The following MACROD2 variants were observed in gnomAD, a reference collection of about 807,000 sequenced individuals.
The protein encoded by MACROD2 is ADP-ribose glycohydrolase MACROD2.
MACROD2 carries 36 observed loss-of-function variants against 70.4 expected under a neutral mutation model. The observed-to-expected ratio is 0.51, with a 90% confidence interval of 0.39 to 0.68. MACROD2 has a LOEUF of 0.68. MACROD2 is among the 30% of genes least tolerant of loss of function. The pLI, the probability that MACROD2 is intolerant of heterozygous loss-of-function variation, is 0.00. For synonymous variants in MACROD2, 172 were observed against 178.8 expected, an observed-to-expected ratio of 0.96 and a Z score of 0.30; for missense variants, 496 against 538.4, an observed-to-expected ratio of 0.92 and a Z score of 0.78.
rs1276125970 is a variant in MACROD2 at position 14,220,980 on chromosome 20, G to A, written c.271+135252G>A. On this transcript the variant is annotated intron_variant, in intron 3 of 17. Coordinates refer to ENST00000684519, the MANE Select transcript of MACROD2 (RefSeq NM_001351661.2). Reference sequence around the variant, plus strand: ...TCGATCTGATGCTAAAATTCACAGTGCGAGGTGCCGCCCACTGCTCTGTCC... The same window carrying A: ...TCGATCTGATGCTAAAATTCACAGTACGAGGTGCCGCCCACTGCTCTGTCC... Among the ~76,000 whole-genome samples the A allele has an allele frequency of 2.6e-5, 4 of 152,156 alleles. No individual in the cohort carries two copies. In the South Asian group the frequency reaches 6.2e-4, roughly 24 times the overall value.
chr20:15,827,423 T>C (rs1408227836), intron 8 of MACROD2, among the ~76,000 whole-genome samples: 4 of 152,300 alleles, frequency 2.6e-5, no homozygotes, highest in African/African-American at 4.8e-5. Context: ...CTACTCTTCA[T>C]AGGAAATAAG....
intron 8 of MACROD2, among the ~76,000 whole-genome samples, chr20:15,528,065 A>C (rs914070032): frequency 6.6e-5 from 10 of 152,210 alleles, no homozygotes; most frequent in African/African-American, 1.9e-4. Context: ...TATTTGTAGA[A>C]AGACTAATAT....
intron 8 of MACROD2, among the ~76,000 whole-genome samples, chr20:15,800,825 T>C (rs1318652990): frequency 2.6e-5 from 4 of 151,880 alleles, no homozygotes; most frequent in East Asian, 1.9e-4. Context: ...TGGGAGACTT[T>C]TCATTTTGTT....
chr20:15,099,037 T>A (rs2075853451), intron 5 of MACROD2, among the ~76,000 whole-genome samples: 1 of 152,220 alleles, frequency 6.6e-6, no homozygotes, highest in Admixed American at 6.5e-5. Flanking sequence ...ATATCCTGCC[T>A]GTACTTTAAC....
intron 2 of MACROD2, among the ~76,000 whole-genome samples, chr20:14,010,766 C>T (rs1351682894): frequency 6.6e-6 from 1 of 151,990 alleles, no homozygotes; most frequent in Non-Finnish European, 1.5e-5. Flanking sequence ...TGAATTTCTC[C>T]AGGATCTGCA....
At chr20:15,573,343 A>G (rs2048400479) in intron 8 of MACROD2, among the ~76,000 whole-genome samples, 1 of 152,184 alleles carries the variant, frequency 6.6e-6, no homozygotes, top group Admixed American at 6.6e-5. Flanking sequence ...CCTGAGAATA[A>G]AAGCAAGTTC....
At chr20:14,449,448 C>T (rs1320575136) in intron 3 of MACROD2, among the ~76,000 whole-genome samples, 1 of 152,102 alleles carries the variant, frequency 6.6e-6, no homozygotes, top group African/African-American at 2.4e-5. Flanking sequence ...ATGTTAGACA[C>T]TGTGCTAGGC....
At chr20:14,842,157 C>G (rs2073094455) in intron 5 of MACROD2, among the ~76,000 whole-genome samples, 2 of 152,072 alleles carry the variant, frequency 1.3e-5, no homozygotes, top group Admixed American at 6.6e-5. Flanking sequence ...CGACCGTTCT[C>G]TAGAGAGAGG....
chr20:14,755,479 G>A lies in MACROD2; in HGVS notation c.418+70520G>A, dbSNP rs140154647. Among the ~76,000 whole-genome samples, 284 of 152,208 alleles carry A rather than the reference G, an allele frequency of 1.9e-3. 4 individuals carry two copies. The highest frequency in any genetic ancestry group is 6.7e-3 in the African/African-American group (277 of 41,496). The stretch of plus-strand genomic sequence containing the variant: ...TTAGATGTAAAATGACCTGAGAACT[G>A]CAGCCCTCATGAGCATTGGCTACGT... On this transcript the variant is annotated intron_variant, in intron 5 of 17. Transcript: ENST00000684519.
At chr20:15,543,582 A>G (rs566885107) in intron 8 of MACROD2, among the ~76,000 whole-genome samples, 17 of 151,254 alleles carry the variant, frequency 1.1e-4, no homozygotes, top group South Asian at 4.2e-4. Context: ...CTTCCAAGCA[A>G]TGAGGTAAAC....
chr20:14,131,138 C>A (rs2054714082), intron 3 of MACROD2, among the ~76,000 whole-genome samples: 1 of 151,834 alleles, frequency 6.6e-6, no homozygotes, highest in South Asian at 2.1e-4. Flanking sequence ...GGCTATGTTG[C>A]TCAGGTTATG....
At chr20:14,298,287 G>T (rs1311555050) in intron 3 of MACROD2, among the ~76,000 whole-genome samples, 1 of 151,930 alleles carries the variant, frequency 6.6e-6, no homozygotes, top group East Asian at 1.9e-4. Context: ...CATTTTTCTG[G>T]CTGGGTGTGG....
intron 4 of MACROD2, among the ~76,000 whole-genome samples, chr20:14,678,331 A>T (rs2070887581): frequency 6.6e-6 from 1 of 152,202 alleles, no homozygotes; most frequent in East Asian, 1.9e-4. Context: ...TTTGGGAAGT[A>T]CTGTCTTGCT....
chr20:15,807,524 C>G (rs1162453432), intron 8 of MACROD2, among the ~76,000 whole-genome samples: 1 of 152,012 alleles, frequency 6.6e-6, no homozygotes, highest in Non-Finnish European at 1.5e-5. Context: ...CCACGTTTGT[C>G]CATTGAGCAA....
At chr20:14,005,050 A>G (rs2052794898) in intron 2 of MACROD2, among the ~76,000 whole-genome samples, 1 of 152,178 alleles carries the variant, frequency 6.6e-6, no homozygotes, top group South Asian at 2.1e-4. Flanking sequence ...TTATAATACA[A>G]TAGAAAGTTA....
At chr20:14,149,777 G>T (rs1313727869) in intron 3 of MACROD2, among the ~76,000 whole-genome samples, 2 of 152,112 alleles carry the variant, frequency 1.3e-5, no homozygotes, top group African/African-American at 4.8e-5. Context: ...TTGGCCACTT[G>T]TATGAAAGTG....
At chr20:15,190,646 C>T (rs1019158741) in intron 5 of MACROD2, among the ~76,000 whole-genome samples, 3 of 152,112 alleles carry the variant, frequency 2.0e-5, no homozygotes, top group Non-Finnish European at 4.4e-5. Context: ...ACTCACAGTT[C>T]CTAAGAAGAG....
At chr20:14,011,770 C>T (rs1221424223) in intron 2 of MACROD2, among the ~76,000 whole-genome samples, 1 of 152,182 alleles carries the variant, frequency 6.6e-6, no homozygotes, top group African/African-American at 2.4e-5. Context: ...ACCTCGTGAT[C>T]TGCCTACCTC....
At chr20:14,751,533 A>G (rs1424477333) in intron 5 of MACROD2, among the ~76,000 whole-genome samples, 1 of 152,098 alleles carries the variant, frequency 6.6e-6, no homozygotes, top group African/African-American at 2.4e-5. Flanking sequence ...GATGTTGCAT[A>G]ATCAACAATG....
Sources: gnomAD v4.1 joint callset for allele counts (sites outside exome capture counted in the v4.1 genomes callset) on GRCh38, gnomAD v4.1.1 for gene constraint, MANE v1.5 for transcripts, NCBI Gene and HGNC (gene_info 2026-07-23, HGNC 2026-07-21) for gene names.